Variants in ILDR2 observed in about 807,000 individuals in gnomAD.
ILDR2 encodes the protein immunoglobulin-like domain-containing receptor 2.
ILDR2 carries 25 observed loss-of-function variants against 66.8 expected under a neutral mutation model. The observed-to-expected ratio is 0.37, with a 90% CI of 0.27 to 0.52. The LOEUF (loss-of-function observed/expected upper bound fraction) is 0.52. Ranked by LOEUF, ILDR2 falls within the 20% of genes least tolerant of loss-of-function variation. The pLI is 0.88. For missense variants in ILDR2, 827 were observed against 876.8 expected (o/e 0.94, Z 0.72); for synonymous variants, 367 against 357.2 (o/e 1.03, Z -0.31).
At position 166,936,830 on chromosome 1, in the gene ILDR2, G is replaced by A; in HGVS notation, c.557-93C>T. ...GGCATCTCCCGGTGAAAGGGGGAGA[G>A]GAGGAGGGACCTAGGGAAGAAAGCT... On this transcript the variant is annotated intron_variant, in intron 4 of 9. Transcript: ENST00000271417. This position sits in a 1 kb window ranked among gnomAD's most constrained non-coding sequence, Gnocchi z 5.0. The A allele has an allele frequency of 8.1e-7, 1 of 1,233,440 alleles. No individual in the cohort carries two copies. The highest frequency in any genetic ancestry group is 1.2e-6 in the Non-Finnish European group (1 of 858,728). The allele number at this position is 1,233,440 out of a possible 1,614,324, so 76.4% of individuals were successfully genotyped here.
rs776397504 is a variant in ILDR2, at chr1:166,967,754, T to TCAAAA, written c.46+7464_46+7468dup. On this transcript the variant is annotated intron_variant, in intron 1 of 9. Transcript: ENST00000271417. The stretch of plus-strand genomic sequence containing the variant: ...CTGGGTGACAGAGTGGGACTCTGTC[T>TCAAAA]CAAAACAAAACAAAACAAAACACAT... Among the ~76,000 whole-genome samples, 12 of 152,246 alleles carry TCAAAA rather than the reference T, an allele frequency of 7.9e-5. No homozygotes were observed. In the South Asian group the frequency reaches 1.0e-3, roughly 13 times the overall value.
chr1:166,948,523 A>G (rs1661773566), intron 3 of ILDR2, among the ~76,000 whole-genome samples: 1 of 152,152 alleles, frequency 6.6e-6, no homozygotes, highest in Admixed American at 6.5e-5. Flanking sequence ...GCAATTAACT[A>G]AGGGTCATCC....
chr1:166,902,657 T>A (rs982250426), intron 2 of ILDR2, among the ~76,000 whole-genome samples: 2 of 152,196 alleles, frequency 1.3e-5, no homozygotes, highest in Admixed American at 1.3e-4. Context: ...TGGCAAAGAG[T>A]AGAGTTAAAA....
intron 2 of ILDR2, 130 bp downstream of exon 2, chr1:166,957,639 C>T (rs1662358276): frequency 1.3e-6 from 1 of 761,046 alleles, no homozygotes; most frequent in Non-Finnish European, 2.1e-6. Flanking sequence ...GCTCCCATTT[C>T]CAATAAAATA....
chr1:166,946,878 A>T (rs947480422), intron 3 of ILDR2, among the ~76,000 whole-genome samples: 1 of 152,248 alleles, frequency 6.6e-6, no homozygotes, highest in Admixed American at 6.5e-5. Context: ...TGTAATTAAA[A>T]TACAATTTTT....
intron 2 of ILDR2, among the ~76,000 whole-genome samples, chr1:166,899,174 C>T (rs1225006616): frequency 1.3e-5 from 2 of 152,028 alleles, no homozygotes; most frequent in Non-Finnish European, 2.9e-5. Context: ...GGTGGATCAC[C>T]TGAGGTCTAG....
At chr1:166,969,111 T>G (rs1200639273) in intron 1 of ILDR2, among the ~76,000 whole-genome samples, 1 of 152,042 alleles carries the variant, frequency 6.6e-6, no homozygotes, top group Non-Finnish European at 1.5e-5. Flanking sequence ...CTTTCCATTA[T>G]TAAAGCAACA....
chr1:166,941,529 A>T (rs1468715392), intron 3 of ILDR2, among the ~76,000 whole-genome samples: 1 of 152,206 alleles, frequency 6.6e-6, no homozygotes, highest in Non-Finnish European at 1.5e-5. Flanking sequence ...CGAGGTAATA[A>T]TCACCTAGTC....
downstream of ILDR2, chr1:166,907,331 A>G (rs912151273): frequency 1.3e-5 from 2 of 152,218 alleles, no homozygotes; most frequent in Non-Finnish European, 2.9e-5. Flanking sequence ...TCTGGAGAAG[A>G]GGTTTCCTTT....
At position 166,912,956 on chromosome 1, in the gene ILDR2, T is replaced by G. The variant is rs1659502185; in HGVS notation, c.*6399A>C. On this transcript the variant is annotated 3_prime_UTR_variant, in exon 10 of 10. Transcript: ENST00000271417. ...CCTACCCTTCATCTCCTTCTGAATGTTACAGTCTGTGGAGAGCAGTAAGAG... is the reference window on the plus strand; with the variant it reads ...CCTACCCTTCATCTCCTTCTGAATGGTACAGTCTGTGGAGAGCAGTAAGAG... The G allele has an allele frequency of 6.6e-6, 1 of 152,206 alleles. No homozygotes were observed. The allele number at this position is 152,206 out of a possible 1,614,324, so 9.4% of individuals were successfully genotyped here.
intron 6 of ILDR2, among the ~76,000 whole-genome samples, chr1:166,931,440 T>C (rs941859054): frequency 1.3e-5 from 2 of 152,220 alleles, no homozygotes; most frequent in African/African-American, 4.8e-5. Context: ...ATTCTCTGTA[T>C]ACATACAGTA....
chr1:166,965,883 A>G (rs1019414548), intron 1 of ILDR2, among the ~76,000 whole-genome samples: 2 of 152,074 alleles, frequency 1.3e-5, no homozygotes, highest in African/African-American at 4.8e-5. Flanking sequence ...GGAACAACCA[A>G]TGGGCAGGTT....
At chr1:166,928,988 C>T (rs1419195980) in intron 6 of ILDR2, among the ~76,000 whole-genome samples, 2 of 152,182 alleles carry the variant, frequency 1.3e-5, no homozygotes, top group Non-Finnish European at 2.9e-5. Context: ...CTGAGTCGTA[C>T]AGACAGTTCA....
At chr1:166,946,925 G>A (rs545192528) in intron 3 of ILDR2, among the ~76,000 whole-genome samples, 35 of 152,268 alleles carry the variant, frequency 2.3e-4, no homozygotes, top group African/African-American at 8.2e-4. Context: ...GAAATTTTCA[G>A]CACCTTTTAA....
At chr1:166,932,513 T>C (rs1660695344) in intron 6 of ILDR2, among the ~76,000 whole-genome samples, 1 of 152,114 alleles carries the variant, frequency 6.6e-6, no homozygotes, top group Admixed American at 6.5e-5. Flanking sequence ...ATGAAAAGAA[T>C]GGAGATGTGA....
chr1:166,965,289 C>A (rs1409307782), intron 1 of ILDR2, among the ~76,000 whole-genome samples: 3 of 151,788 alleles, frequency 2.0e-5, no homozygotes, highest in Non-Finnish European at 4.4e-5. Flanking sequence ...GGGATGGGAC[C>A]CAAATCTAAA....
At position 166,964,609 on chromosome 1, in the gene ILDR2, A is replaced by G. The variant is rs139682576; in HGVS notation, c.47-6508T>C. 6.4e-4 allele frequency among the ~76,000 whole-genome samples: 98 copies of G among 152,338 alleles called. 1 individual carries two copies. The East Asian group carries it at 0.017, about 26-fold the overall frequency. The stretch of plus-strand genomic sequence containing the variant: ...CAGCTCAGAGAATGGATTCTGGCCA[A>G]TAACTAGGAAACCTGCCTAAAGGTA... On this transcript the variant is annotated intron_variant, in intron 1 of 9. Transcript: ENST00000271417.
In ILDR2 at chr1:166,920,850, C is replaced by T. The variant is rs1352050998; in HGVS notation, c.1741G>A (p.Asp581Asn). The change falls in exon 9 of 10, where the codon GAC becomes AAC. Residue 581 changes from aspartate to asparagine, a missense_variant. Coordinates refer to ENST00000271417, the MANE Select transcript of ILDR2 (RefSeq NM_199351.3). ...TCGTCGGACGCGTCCTCCTGGTCGT[C>T]CTGCGACGAGCCGGCCTTGTAGGTG... is the stretch of plus-strand genomic sequence containing the variant. The part of the protein sequence containing the change: ...PGTYKAGSSQ[D>N]DQEDASDDAL... 1.3e-6 allele frequency: 2 copies of T among 1,510,962 alleles called. No individual in the cohort carries two copies. Among genetic ancestry groups the T allele is most frequent in the South Asian group, 1.2e-5 (1 of 80,906 alleles). 93.6% of individuals were successfully genotyped at this position (1,510,962 alleles called of 1,614,324 possible).
intron 1 of ILDR2, among the ~76,000 whole-genome samples, chr1:166,962,654 G>A (rs768199045): frequency 3.3e-5 from 5 of 152,038 alleles, no homozygotes; most frequent in Admixed American, 2.0e-4. Context: ...TCCCATTCCC[G>A]AGAGGTCTGC....
Sources: allele counts gnomAD v4.1 joint callset (sites outside exome capture counted in the v4.1 genomes callset), GRCh38; gene constraint gnomAD v4.1.1; non-coding constraint Gnocchi (gnomAD v3.1); transcripts MANE v1.5; gene names NCBI Gene and HGNC (gene_info 2026-07-23, HGNC 2026-07-21).